The following PDE4D variants were observed in gnomAD, a reference collection of about 807,000 sequenced individuals.
PDE4D encodes phosphodiesterase 4D.
Under a neutral mutation model 87.4 loss-of-function variants are expected in PDE4D, and 24 were observed. The ratio of observed to expected loss-of-function variants is 0.27; its 90% CI spans 0.20 to 0.39. PDE4D has a LOEUF of 0.39. PDE4D is among the 10% of genes least tolerant of loss of function. PDE4D has a pLI of 1.00. For missense variants in PDE4D, 714 were observed against 1,041.0 expected, an observed-to-expected ratio of 0.69 and a Z score of 4.32; for synonymous variants, 384 against 383.2, an observed-to-expected ratio of 1.00 and a Z score of -0.02.
At chr5:59,317,514 C>G (rs530780146) in intron 1 of PDE4D, among the ~76,000 whole-genome samples, 17 of 152,246 alleles carry the variant, frequency 1.1e-4, no homozygotes, top group Admixed American at 2.6e-4. Context: ...AGCATGACTT[C>G]CCAAATTACA....
At chr5:59,732,191 T>C (rs942859042) in intron 1 of PDE4D, among the ~76,000 whole-genome samples, 1 of 152,138 alleles carries the variant, frequency 6.6e-6, no homozygotes, top group African/African-American at 2.4e-5. Context: ...ATAGTTCTCT[T>C]GTAATTCATT....
intron 1 of PDE4D, among the ~76,000 whole-genome samples, chr5:59,258,784 T>C (rs1761451460): frequency 6.7e-6 from 1 of 149,626 alleles, no homozygotes; most frequent in Admixed American, 6.7e-5. Flanking sequence ...TTCTAAATAA[T>C]ATACAATTTA....
At chr5:60,378,277 T>C (rs1761581256) in intron 1 of PDE4D, among the ~76,000 whole-genome samples, 1 of 152,304 alleles carries the variant, frequency 6.6e-6, no homozygotes, top group South Asian at 2.1e-4. Context: ...TCAAACTTCA[T>C]CTTCTCTATA....
At chr5:59,960,372 C>T (rs191731840) in intron 3 of PDE4D, among the ~76,000 whole-genome samples, 1 of 152,014 alleles carries the variant, frequency 6.6e-6, no homozygotes, top group Non-Finnish European at 1.5e-5. Flanking sequence ...GGAAAATAAA[C>T]CATCCTACCA....
intron 6 of PDE4D, chr5:58,999,480 A>C (rs1749982571): frequency 2.7e-6 from 4 of 1,468,340 alleles, no homozygotes; most frequent in Non-Finnish European, 3.7e-6. Context: ...AAAGCTAAGT[A>C]AGTCTTACCT....
At chr5:59,097,538 A>G (rs1264550310) in intron 5 of PDE4D, among the ~76,000 whole-genome samples, 5 of 152,242 alleles carry the variant, frequency 3.3e-5, no homozygotes, top group African/African-American at 7.2e-5. Context: ...TAACTTGCCA[A>G]TTAAAATTTG....
intron 2 of PDE4D, among the ~76,000 whole-genome samples, chr5:60,025,242 C>T (rs992069035): frequency 1.3e-4 from 20 of 152,230 alleles, no homozygotes; most frequent in African/African-American, 3.4e-4. Context: ...CTTATGAAAA[C>T]GTTTGCAGCA....
intron 1 of PDE4D, among the ~76,000 whole-genome samples, chr5:59,643,127 G>T (rs906445576): frequency 6.6e-6 from 1 of 152,156 alleles, no homozygotes; most frequent in Non-Finnish European, 1.5e-5. Context: ...GCTTAGCATG[G>T]TGATTAGAGA....
At chr5:59,788,756 T>C (rs550435374) in intron 1 of PDE4D, among the ~76,000 whole-genome samples, 49 of 152,224 alleles carry the variant, frequency 3.2e-4, no homozygotes, top group Admixed American at 2.4e-3. Flanking sequence ...GGGAAAAAAC[T>C]AATGAAATTT....
chr5:59,053,638 G>GTTTTTTTTTTTTTTTTTT (rs1205199951), intron 5 of PDE4D, among the ~76,000 whole-genome samples: 5 of 84,702 alleles, frequency 5.9e-5, no homozygotes, highest in Admixed American at 1.3e-4. Context: ...AAGTTGTTTT[G>GTTTTTTTTTTTTTTTTTT]TTTTTTGTTT....
chr5:60,077,260 A>G (rs1478170461), intron 2 of PDE4D, among the ~76,000 whole-genome samples: 2 of 152,212 alleles, frequency 1.3e-5, no homozygotes, highest in Non-Finnish European at 2.9e-5. Context: ...GGTAGGATGC[A>G]TGCATGCACA....
rs970931304 is a variant in PDE4D, at chr5:59,018,170, T to C, written c.921+20689A>G. ...TCTAATTAAAACAGCTGCATTAAAATTTCTACAATATCTTCCTAACAGCTT... is the reference window on the plus strand; with the variant it reads ...TCTAATTAAAACAGCTGCATTAAAACTTCTACAATATCTTCCTAACAGCTT... On this transcript the variant is annotated intron_variant, in intron 6 of 14. Transcript: ENST00000340635. Among the ~76,000 whole-genome samples the C allele has an allele frequency of 2.6e-5, 4 of 152,360 alleles. No individual in the cohort carries two copies. In the East Asian group the frequency reaches 7.7e-4, roughly 29 times the overall value.
chr5:59,622,301 A>G (rs904361181), intron 1 of PDE4D, among the ~76,000 whole-genome samples: 2 of 152,210 alleles, frequency 1.3e-5, no homozygotes, highest in Non-Finnish European at 2.9e-5. Flanking sequence ...TGCAGGTATC[A>G]ATAACCATTT....
chr5:59,199,927 G>T (rs1283448490), intron 2 of PDE4D, among the ~76,000 whole-genome samples: 1 of 151,096 alleles, frequency 6.6e-6, no homozygotes, highest in African/African-American at 2.4e-5. Context: ...TATACACACA[G>T]GCACATATAT....
intron 5 of PDE4D, among the ~76,000 whole-genome samples, chr5:59,083,951 C>CAACTT (rs1767229512): frequency 6.6e-6 from 1 of 151,958 alleles, no homozygotes; most frequent in Admixed American, 6.6e-5. Flanking sequence ...TGCTTATAAG[C>CAACTT]AACTTAATGC....
intron 5 of PDE4D, among the ~76,000 whole-genome samples, chr5:59,059,720 A>C (rs537928821): frequency 9.9e-4 from 151 of 152,288 alleles, no homozygotes; most frequent in African/African-American, 3.5e-3. Flanking sequence ...AAAATATTCT[A>C]GCACAAAATA....
At chr5:60,269,892 A>G (rs1233139584) in intron 1 of PDE4D, among the ~76,000 whole-genome samples, 2 of 152,238 alleles carry the variant, frequency 1.3e-5, no homozygotes, top group African/African-American at 4.8e-5. Context: ...ATCAATATTT[A>G]TCTTATGATA....
At chr5:60,224,120 G>C (rs1405148039) in intron 1 of PDE4D, among the ~76,000 whole-genome samples, 5 of 152,010 alleles carry the variant, frequency 3.3e-5, no homozygotes, top group Non-Finnish European at 5.9e-5. Flanking sequence ...GAGTTTTCCT[G>C]TTCAAACTTA....
At chr5:59,052,201 A>G (rs1353491507) in intron 5 of PDE4D, among the ~76,000 whole-genome samples, 2 of 152,284 alleles carry the variant, frequency 1.3e-5, no homozygotes, top group East Asian at 1.9e-4. Context: ...AGAGGGAGGT[A>G]TGGACTATAG....
Sources: allele counts gnomAD v4.1 joint callset (sites outside exome capture counted in the v4.1 genomes callset), GRCh38; gene constraint gnomAD v4.1.1; transcripts MANE v1.5; gene names NCBI Gene and HGNC (gene_info 2026-07-23, HGNC 2026-07-21).